SLC24A3: variants seen among roughly 807,000 people sequenced by gnomAD.
SLC24A3 encodes sodium/potassium/calcium exchanger 3.
Under a neutral mutation model 75.8 loss-of-function variants are expected in SLC24A3, and 28 were observed. The ratio of observed to expected loss-of-function variants is 0.37; its 90% CI spans 0.27 to 0.51. SLC24A3 has a LOEUF of 0.51. Ranked by LOEUF, SLC24A3 falls within the 20% of genes least tolerant of loss-of-function variation. SLC24A3 has a pLI of 0.94. For synonymous variants in SLC24A3, 372 were observed against 334.1 expected, an observed-to-expected ratio of 1.11 and a Z score of -1.24; for missense variants, 663 against 847.8, an observed-to-expected ratio of 0.78 and a Z score of 2.71.
At chr20:19,634,767 CG>C (rs533433256) in intron 6 of SLC24A3, among the ~76,000 whole-genome samples, 1 of 151,300 alleles carries the variant, frequency 6.6e-6, no homozygotes, top group African/African-American at 2.4e-5. Flanking sequence ...GACTGGAAGC[CG>C]GGGGGGACAC....
chr20:19,295,739 C>T (rs571272335), intron 2 of SLC24A3, among the ~76,000 whole-genome samples: 1 of 151,822 alleles, frequency 6.6e-6, no homozygotes, highest in South Asian at 2.1e-4. Context: ...TGATGTGCTG[C>T]TGGATTCAGT....
intron 7 of SLC24A3, 57 bp from the exon 8 acceptor site, chr20:19,665,804 TGTG>T: frequency 8.4e-6 from 12 of 1,422,694 alleles, no homozygotes; most frequent in Non-Finnish European, 1.0e-5. Flanking sequence ...TGTGTGTGTG[TGTG>T]TGTGTGTGTG....
intron 3 of SLC24A3, among the ~76,000 whole-genome samples, chr20:19,536,443 A>G (rs2030398176): frequency 6.6e-6 from 1 of 152,158 alleles, no homozygotes; most frequent in Non-Finnish European, 1.5e-5. Context: ...GGGGTAGGCC[A>G]TACTGCCCAA....
chr20:19,612,872 G>A (rs774892029), intron 6 of SLC24A3, among the ~76,000 whole-genome samples: 2 of 152,102 alleles, frequency 1.3e-5, no homozygotes, highest in Non-Finnish European at 2.9e-5. Flanking sequence ...CCTCCACCAG[G>A]GTCCCATTGT....
At chr20:19,309,588 C>T (rs1370154829) in intron 2 of SLC24A3, among the ~76,000 whole-genome samples, 1 of 152,138 alleles carries the variant, frequency 6.6e-6, no homozygotes, top group Non-Finnish European at 1.5e-5. Flanking sequence ...AAACGCTGGC[C>T]TAGAGCTTCT....
intron 2 of SLC24A3, among the ~76,000 whole-genome samples, chr20:19,364,200 G>A (rs1385201421): frequency 1.3e-5 from 2 of 152,082 alleles, no homozygotes; most frequent in Admixed American, 6.5e-5. Flanking sequence ...CAACCGTGTG[G>A]GTCTCCCAAA....
chr20:19,559,951 T>C (rs2030848189), intron 3 of SLC24A3, among the ~76,000 whole-genome samples: 1 of 152,136 alleles, frequency 6.6e-6, no homozygotes, highest in Non-Finnish European at 1.5e-5. Context: ...ATGTAGCATT[T>C]GCAAATTTCC....
intron 2 of SLC24A3, among the ~76,000 whole-genome samples, chr20:19,326,850 G>C (rs1016842136): frequency 1.3e-5 from 2 of 152,014 alleles, no homozygotes; most frequent in Non-Finnish European, 2.9e-5. Context: ...CCTAAAGTAT[G>C]TTGTCCTTTT....
intron 2 of SLC24A3, among the ~76,000 whole-genome samples, chr20:19,477,860 C>T (rs1024356198): frequency 6.6e-6 from 1 of 152,134 alleles, no homozygotes. Flanking sequence ...CAAAAAGGAA[C>T]AAAATGGCTA....
At chr20:19,654,452 C>A (rs1320794613) in intron 7 of SLC24A3, among the ~76,000 whole-genome samples, 4 of 151,690 alleles carry the variant, frequency 2.6e-5, no homozygotes, top group African/African-American at 7.3e-5. Flanking sequence ...CATCACTTCT[C>A]CCCCTTCTCA....
intron 15 of SLC24A3, among the ~76,000 whole-genome samples, chr20:19,707,942 A>G (rs1304785747): frequency 6.6e-6 from 1 of 152,192 alleles, no homozygotes; most frequent in East Asian, 1.9e-4. Flanking sequence ...GGGAGTCAAG[A>G]GCATTAACTG....
At chr20:19,720,509 A>G (rs931007568) in intron 16 of SLC24A3, among the ~76,000 whole-genome samples, 6 of 150,884 alleles carry the variant, frequency 4.0e-5, no homozygotes, top group African/African-American at 1.5e-4. Flanking sequence ...GAGAAGGAAA[A>G]TGGTCTGGAA....
At chr20:19,530,736 C>G (rs1191031473) in intron 3 of SLC24A3, among the ~76,000 whole-genome samples, 2 of 152,160 alleles carry the variant, frequency 1.3e-5, no homozygotes, top group Non-Finnish European at 2.9e-5. Flanking sequence ...TTCTGATGAG[C>G]CTGAAGTTCC....
intron 2 of SLC24A3, among the ~76,000 whole-genome samples, chr20:19,427,523 G>A (rs1222844841): frequency 6.6e-6 from 1 of 152,196 alleles, no homozygotes; most frequent in Admixed American, 6.5e-5. Flanking sequence ...GCGCTTTAGT[G>A]TTCCACTGGG....
chr20:19,606,141 C>A (rs969197758), intron 6 of SLC24A3, among the ~76,000 whole-genome samples: 5 of 152,218 alleles, frequency 3.3e-5, no homozygotes, highest in Non-Finnish European at 5.9e-5. Flanking sequence ...AAACTGTGCT[C>A]AATAGATTCC....
At chr20:19,517,397 T>G (rs2030017400) in intron 3 of SLC24A3, among the ~76,000 whole-genome samples, 1 of 152,186 alleles carries the variant, frequency 6.6e-6, no homozygotes, top group Admixed American at 6.5e-5. Context: ...CACTGAGTCA[T>G]CAGCTGGAGG....
chr20:19,279,748 G>C (rs997856267), intron 1 of SLC24A3, among the ~76,000 whole-genome samples: 1 of 152,002 alleles, frequency 6.6e-6, no homozygotes, highest in African/African-American at 2.4e-5. Flanking sequence ...CTACTTTTCT[G>C]CCCGAGGTTC....
rs561344146 is a variant in SLC24A3, at chr20:19,720,999, C to T, written c.1794C>T (p.Gly598=). Residue 598 remains glycine, a synonymous_variant, in exon 17 of 17, where the codon GGC becomes GGT. Transcript: ENST00000328041. ...TGTTCTGTGCCCTGCAGGTGTTCGG[C>T]GTCCACCTGAACAAGTGGCAGCTGG... is the stretch of plus-strand genomic sequence containing the variant. ...LLASVFVTVF[G]VHLNKWQLDK... is the part of the protein sequence containing the mutation. The T allele has an allele frequency of 1.4e-5, 23 of 1,613,794 alleles. No individual in the cohort carries two copies. Among genetic ancestry groups the T allele is most frequent in the Admixed American group, 5.0e-5 (3 of 60,006 alleles).
intron 3 of SLC24A3, among the ~76,000 whole-genome samples, chr20:19,545,679 A>C (rs2030576849): frequency 6.6e-6 from 1 of 152,200 alleles, no homozygotes; most frequent in African/African-American, 2.4e-5. Flanking sequence ...CATATCCTGC[A>C]GTATTTTCCC....
Sources: allele counts gnomAD v4.1 joint callset (sites outside exome capture counted in the v4.1 genomes callset), GRCh38; gene constraint gnomAD v4.1.1; transcripts MANE v1.5; gene names NCBI Gene and HGNC (gene_info 2026-07-23, HGNC 2026-07-21).